The following OMA1 variants were observed in gnomAD, a reference collection of about 807,000 sequenced individuals.
OMA1 encodes OMA1 zinc metallopeptidase.
OMA1 carries 38 observed loss-of-function variants against 30.9 expected under a neutral mutation model. The observed-to-expected ratio is 1.23, with a 90% CI of 0.95 to 1.61. The LOEUF (loss-of-function observed/expected upper bound fraction) is 1.61. OMA1 is among the 40% of genes most tolerant of loss of function. The pLI is 0.00. For synonymous variants in OMA1, 173 were observed against 121.9 expected, an observed-to-expected ratio of 1.42 and a Z score of -2.76; for missense variants, 461 against 349.2, an observed-to-expected ratio of 1.32 and a Z score of -2.55.
chr1:58,492,892 G>A (rs1387733274), intron 8 of OMA1, among the ~76,000 whole-genome samples: 3 of 152,192 alleles, frequency 2.0e-5, no homozygotes, highest in South Asian at 2.1e-4. Flanking sequence ...CAGAAAAAGA[G>A]AGAATCCTCC....
At chr1:58,494,773 G>T (rs1645766062) in intron 8 of OMA1, among the ~76,000 whole-genome samples, 2 of 152,244 alleles carry the variant, frequency 1.3e-5, no homozygotes, top group South Asian at 2.1e-4. Context: ...GAAACTACAG[G>T]TGCTGGAGAG....
intron 7 of OMA1, among the ~76,000 whole-genome samples, chr1:58,516,493 A>G (rs1457723734): frequency 6.6e-6 from 1 of 152,194 alleles, no homozygotes; most frequent in Non-Finnish European, 1.5e-5. Context: ...CTTACCAGTG[A>G]TTATTAATTC....
At chr1:58,499,665 AAAGT>A (rs1329059701) in intron 8 of OMA1, among the ~76,000 whole-genome samples, 1 of 152,204 alleles carries the variant, frequency 6.6e-6, no homozygotes, top group African/African-American at 2.4e-5. Context: ...CTTGCCACAA[AAAGT>A]AAGTATGTGA....
intron 8 of OMA1, among the ~76,000 whole-genome samples, chr1:58,496,967 C>T (rs1645813146): frequency 1.3e-5 from 2 of 152,160 alleles, no homozygotes; most frequent in Admixed American, 6.5e-5. Context: ...AACAAAGAAC[C>T]AGGCCATCAC....
chr1:58,535,204 T>C, intron 3 of OMA1, among the ~76,000 whole-genome samples: 1 of 152,210 alleles, frequency 6.6e-6, no homozygotes, highest in East Asian at 1.9e-4. Flanking sequence ...AGATACTTTT[T>C]CTGAAGTTAT....
At chr1:58,537,270 A>T (rs1479608827) in intron 2 of OMA1, among the ~76,000 whole-genome samples, 1 of 152,118 alleles carries the variant, frequency 6.6e-6, no homozygotes, top group Admixed American at 6.6e-5. Flanking sequence ...TAATTATGTA[A>T]GAGGTTACAG....
chr1:58,495,921 C>T (rs967926732), intron 8 of OMA1, among the ~76,000 whole-genome samples: 6 of 152,088 alleles, frequency 3.9e-5, no homozygotes, highest in Admixed American at 1.3e-4. Flanking sequence ...CTTGTAAAAG[C>T]CTGTCTTTGC....
intron 1 of OMA1, among the ~76,000 whole-genome samples, chr1:58,539,858 G>C (rs1051421747): frequency 1.3e-5 from 2 of 152,146 alleles, no homozygotes; most frequent in African/African-American, 2.4e-5. Flanking sequence ...CTAAATCGAA[G>C]AGATAAAGCT....
At chr1:58,530,578 TC>T (rs1280932037) in intron 6 of OMA1, 22 bp downstream of exon 6, 1 of 865,876 alleles carries the variant, frequency 1.2e-6, no homozygotes. Context: ...TATGATCAAT[TC>T]AAGTTATTGT....
chr1:58,491,194 C>A (rs61781784), intron 8 of OMA1, among the ~76,000 whole-genome samples: 17,404 of 151,970 alleles, frequency 0.11, 1,183 homozygotes, highest in African/African-American at 0.18. Context: ...AAATAAAATA[C>A]TTTACAGACA....
chr1:58,511,165 G>A (rs1481716500), intron 7 of OMA1, among the ~76,000 whole-genome samples: 2 of 151,980 alleles, frequency 1.3e-5, no homozygotes, highest in Admixed American at 6.6e-5. Context: ...ACCCCAAATC[G>A]CCAAAGCAAT....
At chr1:58,494,520 CTGACAAAGGGCTAA>C (rs1449542077) in intron 8 of OMA1, among the ~76,000 whole-genome samples, 1 of 152,188 alleles carries the variant, frequency 6.6e-6, no homozygotes, top group Non-Finnish European at 1.5e-5. Flanking sequence ...ATCTACTCAA[CTGACAAAGGGCTAA>C]TATCCAGAAT....
At chr1:58,510,353 C>G (rs1569919248) in intron 7 of OMA1, among the ~76,000 whole-genome samples, 1 of 151,944 alleles carries the variant, frequency 6.6e-6, no homozygotes, top group East Asian at 1.9e-4. Flanking sequence ...TGTGATATAC[C>G]ACATTAACAG....
chr1:58,487,870 T>A (rs559261665), intron 8 of OMA1, among the ~76,000 whole-genome samples: 1 of 152,216 alleles, frequency 6.6e-6, no homozygotes, highest in East Asian at 1.9e-4. Flanking sequence ...AATAACATTC[T>A]CCCAAATATT....
chr1:58,492,166 T>TG, intron 8 of OMA1, among the ~76,000 whole-genome samples: 1 of 152,146 alleles, frequency 6.6e-6, no homozygotes, highest in East Asian at 1.9e-4. Context: ...GAATGACTAC[T>TG]GGGTACATAA....
chr1:58,539,390 C>T (rs2100493664), intron 1 of OMA1, 80 bp from the exon 2 acceptor site: 1 of 666,896 alleles, frequency 1.5e-6, no homozygotes, highest in Non-Finnish European at 2.5e-6. Flanking sequence ...ATTAAATAGG[C>T]GTGTCAGTTG....
intron 7 of OMA1, among the ~76,000 whole-genome samples, chr1:58,522,280 T>C (rs955931953): frequency 2.6e-5 from 4 of 152,198 alleles, no homozygotes; most frequent in Non-Finnish European, 1.5e-5. Flanking sequence ...TTTATTAATG[T>C]AACAAACCTG....
intron 7 of OMA1, among the ~76,000 whole-genome samples, chr1:58,512,715 G>C (rs930292668): frequency 2.0e-5 from 3 of 151,640 alleles, no homozygotes; most frequent in Non-Finnish European, 4.4e-5. Flanking sequence ...TGTAGAAGTA[G>C]AGAATAGAAT....
intron 8 of OMA1, among the ~76,000 whole-genome samples, chr1:58,481,665 C>T (rs538909019): frequency 6.6e-6 from 1 of 151,962 alleles, no homozygotes; most frequent in South Asian, 2.1e-4. Context: ...CCACCCAAAT[C>T]TCATCTTGAA....
Sources: allele counts gnomAD v4.1 joint callset (sites outside exome capture counted in the v4.1 genomes callset), GRCh38; gene constraint gnomAD v4.1.1; transcripts MANE v1.5; gene names NCBI Gene and HGNC (gene_info 2026-07-23, HGNC 2026-07-21).